Variants in DEPDC5 observed in about 807,000 individuals in gnomAD.
The protein encoded by DEPDC5 is GATOR1 complex protein DEPDC5.
A neutral mutation model predicts 217.3 loss-of-function variants in DEPDC5; 73 were observed. That is an observed-to-expected ratio of 0.34 (90% CI 0.28 to 0.41). The LOEUF is 0.41. Among genes scored for constraint, DEPDC5 ranks in the 10% least tolerant of loss-of-function variants. The pLI, the probability that DEPDC5 is intolerant of heterozygous loss-of-function variation, is 1.00. For synonymous variants in DEPDC5, 733 were observed against 756.7 expected (o/e 0.97, Z 0.51); for missense variants, 1,675 against 2,070.1 (o/e 0.81, Z 3.70).
At chr22:31,817,793 C>T (rs547509898) in intron 21 of DEPDC5, among the ~76,000 whole-genome samples, 4 of 152,126 alleles carry the variant, frequency 2.6e-5, no homozygotes, top group African/African-American at 9.6e-5. Context: ...GGCCTGTACT[C>T]ATCTTTTTTT....
chr22:31,873,469 A>C, intron 35 of DEPDC5, 137 bp downstream of exon 35: 1 of 851,652 alleles, frequency 1.2e-6, no homozygotes, highest in Non-Finnish European at 1.8e-6. Flanking sequence ...AAGTCACTTG[A>C]CCTCTCTGAG....
intron 24 of DEPDC5, among the ~76,000 whole-genome samples, chr22:31,827,661 C>T (rs1390539006): frequency 1.3e-5 from 2 of 152,100 alleles, no homozygotes; most frequent in Non-Finnish European, 2.9e-5. Flanking sequence ...ATAGACCCCT[C>T]ATGTCATGTG....
chr22:31,898,157 G>A (rs944051468), intron 40 of DEPDC5, among the ~76,000 whole-genome samples: 18 of 152,118 alleles, frequency 1.2e-4, no homozygotes, highest in African/African-American at 1.7e-4. Context: ...CGTGTGACTC[G>A]AGTCATGCAT....
intron 20 of DEPDC5, among the ~76,000 whole-genome samples, chr22:31,813,329 C>T (rs1004343341): frequency 4.6e-5 from 7 of 152,160 alleles, no homozygotes; most frequent in African/African-American, 1.4e-4. Context: ...TTAAAGATGA[C>T]AAGACCTGGT....
At chr22:31,756,038 ATTTTTTT>A (rs35222514) in intron 2 of DEPDC5, among the ~76,000 whole-genome samples, 3 of 116,864 alleles carry the variant, frequency 2.6e-5, no homozygotes, top group Non-Finnish European at 5.4e-5. Flanking sequence ...ACACCTGGCT[ATTTTTTT>A]TTTTTTTTTT....
chr22:31,846,780 C>A, intron 30 of DEPDC5, 54 bp from the exon 31 acceptor site: 1 of 1,612,784 alleles, frequency 6.2e-7, no homozygotes, highest in East Asian at 2.2e-5. Context: ...GCATGAGTGG[C>A]TTCCACTGAG....
intron 37 of DEPDC5, among the ~76,000 whole-genome samples, chr22:31,879,028 T>TAAAAAAAA (rs1202434411): frequency 4.4e-5 from 1 of 22,740 alleles, no homozygotes; most frequent in Non-Finnish European, 8.3e-5. Context: ...AGACTCCGTC[T>TAAAAAAAA]CAAAAAAAAA....
At chr22:31,874,459 G>A in intron 36 of DEPDC5, 54 bp downstream of exon 36, 1 of 1,550,036 alleles carries the variant, frequency 6.5e-7, no homozygotes, top group Non-Finnish European at 8.7e-7. Flanking sequence ...CGAAAAATCA[G>A]GGCCTGCCTT....
At chr22:31,769,998 G>A (rs978226466) in intron 7 of DEPDC5, among the ~76,000 whole-genome samples, 1 of 151,720 alleles carries the variant, frequency 6.6e-6, no homozygotes, top group African/African-American at 2.4e-5. Context: ...GGCCAAGGTG[G>A]GCTGAGTGTG....
intron 19 of DEPDC5, 36 bp from the exon 20 acceptor site, chr22:31,810,485 T>C (rs535898065): frequency 6.2e-7 from 1 of 1,613,114 alleles, no homozygotes; most frequent in Admixed American, 1.7e-5. Context: ...GTTTGAAATG[T>C]ATTTGATGAC....
chr22:31,830,613 T>C (rs1255437609), intron 24 of DEPDC5, among the ~76,000 whole-genome samples: 1 of 148,268 alleles, frequency 6.7e-6, no homozygotes, highest in African/African-American at 2.5e-5. Context: ...TATTTGCTTT[T>C]TCGGGGTATG....
intron 15 of DEPDC5, among the ~76,000 whole-genome samples, chr22:31,803,306 G>A (rs1188771554): frequency 6.6e-6 from 1 of 151,970 alleles, no homozygotes; most frequent in Non-Finnish European, 1.5e-5. Context: ...CGCCTCCTGG[G>A]TTCACACTAT....
intron 21 of DEPDC5, chr22:31,816,583 A>T (rs936346362): frequency 6.6e-6 from 1 of 151,784 alleles, no homozygotes; most frequent in Non-Finnish European, 1.5e-5. Context: ...GGCACACACC[A>T]CCACACCAGC....
At chr22:31,855,433 G>C (rs139927699) in intron 31 of DEPDC5, among the ~76,000 whole-genome samples, 2 of 150,166 alleles carry the variant, frequency 1.3e-5, no homozygotes, top group Non-Finnish European at 2.9e-5. Context: ...CTGGAGTGCA[G>C]TGGCGCGATA....
At chr22:31,821,376 G>A in intron 22 of DEPDC5, 126 bp from the exon 23 acceptor site, 2 of 1,322,092 alleles carry the variant, frequency 1.5e-6, no homozygotes, top group South Asian at 1.3e-5. Flanking sequence ...ACCCTCTGTG[G>A]TGTGTTCTTC....
intron 24 of DEPDC5, chr22:31,831,035 T>G (rs1239879566): frequency 6.9e-6 from 1 of 145,442 alleles, no homozygotes; most frequent in Non-Finnish European, 1.5e-5. Flanking sequence ...ATGAAAGTTG[T>G]CAGCCAAGGT....
At chr22:31,809,534 C>T (rs1447516468) in intron 18 of DEPDC5, 77 bp from the exon 19 acceptor site, 8 of 1,509,456 alleles carry the variant, frequency 5.3e-6, no homozygotes, top group Non-Finnish European at 6.4e-6. Flanking sequence ...CTGGGAGCAG[C>T]ACATATATAC....
At chr22:31,871,515 A>G (rs2092841612) in intron 34 of DEPDC5, among the ~76,000 whole-genome samples, 1 of 152,140 alleles carries the variant, frequency 6.6e-6, no homozygotes, top group African/African-American at 2.4e-5. Flanking sequence ...AGTAGAGGTG[A>G]TGGTCATTTC....
At chr22:31,854,947 G>A (rs1212429677) in intron 31 of DEPDC5, among the ~76,000 whole-genome samples, 3 of 151,300 alleles carry the variant, frequency 2.0e-5, no homozygotes, top group Non-Finnish European at 2.9e-5. Flanking sequence ...GGACTTAATT[G>A]AGTCTTGCTG....
Sources: gnomAD v4.1 joint callset for allele counts (sites outside exome capture counted in the v4.1 genomes callset) on GRCh38, gnomAD v4.1.1 for gene constraint, MANE v1.5 for transcripts, NCBI Gene and HGNC (gene_info 2026-07-23, HGNC 2026-07-21) for gene names.